SMARCA2: variants seen among roughly 807,000 people sequenced by gnomAD.
SMARCA2 encodes the protein SWI/SNF related BAF chromatin remodeling complex subunit ATPase 2, also known as SWI/SNF-related matrix-associated actin-dependent regulator of chromatin subfamily A member 2.
A neutral mutation model predicts 199.8 loss-of-function variants in SMARCA2; 61 were observed. The observed-to-expected ratio is 0.31, with a 90% CI of 0.25 to 0.38. SMARCA2 has a LOEUF of 0.38. Among genes scored for constraint, SMARCA2 ranks in the 10% least tolerant of loss-of-function variants. SMARCA2 has a pLI of 1.00. For missense variants in SMARCA2, 1,344 were observed against 2,012.2 expected (o/e 0.67, Z 6.35); for synonymous variants, 935 against 732.0 (o/e 1.28, Z -4.48).
intron 20 of SMARCA2, 126 bp downstream of exon 20, chr9:2,096,890 T>C: frequency 2.9e-6 from 2 of 684,086 alleles, no homozygotes; most frequent in Non-Finnish European, 5.3e-6. Context: ...TGGACCTCCT[T>C]TGAGCTATTA....
At chr9:2,128,479 C>G (rs368791036) in intron 27 of SMARCA2, among the ~76,000 whole-genome samples, 7 of 152,200 alleles carry the variant, frequency 4.6e-5, no homozygotes, top group Non-Finnish European at 7.3e-5. Context: ...ACTGATTTCT[C>G]CACACTGTGC....
At chr9:2,061,699 A>G (rs1820599383) in intron 9 of SMARCA2, among the ~76,000 whole-genome samples, 1 of 152,224 alleles carries the variant, frequency 6.6e-6, no homozygotes, top group African/African-American at 2.4e-5. Flanking sequence ...TTCATGATAA[A>G]TTCTGTTTAG....
At chr9:2,162,549 G>A (rs1419582871) in intron 28 of SMARCA2, among the ~76,000 whole-genome samples, 1 of 152,190 alleles carries the variant, frequency 6.6e-6, no homozygotes, top group Non-Finnish European at 1.5e-5. Context: ...ACACTGTAGG[G>A]TGTCAGTCAG....
intron 12 of SMARCA2, among the ~76,000 whole-genome samples, chr9:2,075,975 A>G (rs1296047333): frequency 1.3e-5 from 2 of 152,152 alleles, no homozygotes; most frequent in African/African-American, 2.4e-5. Context: ...ATATTTACAT[A>G]CTCATTCTTG....
At chr9:2,125,812 C>G (rs1436522819) in intron 27 of SMARCA2, among the ~76,000 whole-genome samples, 1 of 152,128 alleles carries the variant, frequency 6.6e-6, no homozygotes, top group African/African-American at 2.4e-5. Flanking sequence ...TAAAGCTAAG[C>G]TTTGATATGT....
chr9:2,082,799 C>A (rs1338221505), intron 15 of SMARCA2, among the ~76,000 whole-genome samples: 1 of 152,092 alleles, frequency 6.6e-6, no homozygotes, highest in East Asian at 1.9e-4. Flanking sequence ...ATTTGCAGCC[C>A]TTTTTGTATG....
chr9:2,106,934 C>G (rs1423665456), intron 23 of SMARCA2, among the ~76,000 whole-genome samples: 1 of 152,108 alleles, frequency 6.6e-6, no homozygotes, highest in African/African-American at 2.4e-5. Flanking sequence ...CACAGTTGCC[C>G]TATTAATTGT....
intron 32 of SMARCA2, among the ~76,000 whole-genome samples, chr9:2,190,680 T>G (rs1192194707): frequency 6.6e-6 from 1 of 152,098 alleles, no homozygotes; most frequent in Non-Finnish European, 1.5e-5. Context: ...TACTTGCAGG[T>G]ATGGACATAA....
In SMARCA2 at chr9:2,040,178, C is replaced by G. The variant is rs1255569714; in HGVS notation, c.790+278C>G. 4.7e-6 allele frequency: 3 copies of G among 642,630 alleles called. No homozygotes were observed. The South Asian group carries it at 6.6e-5, about 14-fold the overall frequency. The allele number at this position is 642,630 out of a possible 1,614,324, so 39.8% of individuals were successfully genotyped here. A position where few individuals can be genotyped will look rare whatever the true frequency, so the allele number is the denominator to read the frequency against. The stretch of plus-strand genomic sequence containing the variant: ...ATTTTGCGTTCTCTTTGAAGCGGTT[C>G]AAGGTTTCTTGGAAGCCCATCCACA... On this transcript the variant is annotated intron_variant, in intron 4 of 33. Coordinates refer to ENST00000349721, the MANE Select transcript of SMARCA2 (RefSeq NM_003070.5).
chr9:2,088,348 A>C (rs1328292793), intron 18 of SMARCA2, 152 bp from the exon 19 acceptor site: 2 of 773,784 alleles, frequency 2.6e-6, no homozygotes, highest in East Asian at 3.4e-5. Context: ...GTGGGAAGAT[A>C]ATTCAGAGGT....
intron 15 of SMARCA2, among the ~76,000 whole-genome samples, chr9:2,082,306 G>T (rs1035672501): frequency 1.6e-4 from 20 of 121,796 alleles, no homozygotes; most frequent in African/African-American, 6.6e-4. Flanking sequence ...AAAGGGGAAA[G>T]GTGTGTGTGT....
chr9:2,159,867 A>T, intron 27 of SMARCA2: 1 of 1,611,952 alleles, frequency 6.2e-7, no homozygotes, highest in Non-Finnish European at 8.5e-7. Flanking sequence ...TTTTATCCCC[A>T]CTAACTGTGA....
At chr9:2,191,561 G>T (rs143863900) in intron 33 of SMARCA2, 153 bp downstream of exon 33, 1 of 796,306 alleles carries the variant, frequency 1.3e-6, no homozygotes, top group Non-Finnish European at 2.0e-6. Context: ...GGATGTGAAC[G>T]GAGCTGTATG....
intron 27 of SMARCA2, among the ~76,000 whole-genome samples, chr9:2,145,521 C>T (rs897922426): frequency 2.8e-4 from 43 of 152,148 alleles, no homozygotes; most frequent in African/African-American, 8.7e-4. Flanking sequence ...TAGAATCATC[C>T]GTAAAGGTGA....
In SMARCA2 at chr9:2,193,326, T is replaced by C. The variant is rs918541411; in HGVS notation, c.*587T>C. On this transcript the variant is annotated 3_prime_UTR_variant, in exon 34 of 34. Transcript: ENST00000349721. Reference sequence around the variant, plus strand: ...CAAAAGCTTTTTGAATTGTATAAGATTTATGTCTACTGTAAACATTGCTTA... The same window carrying C: ...CAAAAGCTTTTTGAATTGTATAAGACTTATGTCTACTGTAAACATTGCTTA... 5.9e-5 allele frequency: 9 copies of C among 152,684 alleles called. No individual in the cohort carries two copies. The highest frequency in any genetic ancestry group is 1.7e-4 in the African/African-American group (7 of 41,456). 9.5% of individuals were successfully genotyped at this position (152,684 alleles called of 1,614,324 possible). A position where few individuals can be genotyped will look rare whatever the true frequency, so the allele number is the denominator to read the frequency against.
chr9:2,171,904 T>C (rs915843382), intron 29 of SMARCA2, among the ~76,000 whole-genome samples: 1 of 152,196 alleles, frequency 6.6e-6, no homozygotes, highest in South Asian at 2.1e-4. Context: ...AGGCTATTTA[T>C]TGCAAGTCCC....
intron 27 of SMARCA2, chr9:2,158,028 G>A (rs1182757909): frequency 7.6e-6 from 3 of 394,002 alleles, no homozygotes; most frequent in Non-Finnish European, 1.3e-5. Context: ...TTTGCTGTCA[G>A]AACGTGCACG....
chr9:2,188,697 A>C (rs1038819672), intron 32 of SMARCA2, among the ~76,000 whole-genome samples: 4 of 152,272 alleles, frequency 2.6e-5, no homozygotes, highest in African/African-American at 7.2e-5. Flanking sequence ...ATACAACACA[A>C]ACTTATTACC....
intron 26 of SMARCA2, among the ~76,000 whole-genome samples, chr9:2,120,577 A>C (rs1287274488): frequency 6.6e-6 from 1 of 152,184 alleles, no homozygotes; most frequent in East Asian, 1.9e-4. Context: ...TGCAATCTCC[A>C]CCTTTTTAGC....
Sources: allele counts gnomAD v4.1 joint callset (sites outside exome capture counted in the v4.1 genomes callset), GRCh38; gene constraint gnomAD v4.1.1; transcripts MANE v1.5; gene names NCBI Gene and HGNC (gene_info 2026-07-23, HGNC 2026-07-21).